Variants in SACM1L observed in about 807,000 individuals in gnomAD.
SACM1L encodes phosphatidylinositol-3-phosphatase SAC1.
Under a neutral mutation model 89.5 loss-of-function variants are expected in SACM1L, and 32 were observed. The observed-to-expected ratio is 0.36, with a 90% confidence interval of 0.27 to 0.48. The LOEUF (loss-of-function observed/expected upper bound fraction) is 0.48, where lower values mean the gene tolerates loss of function less well. Among genes scored for constraint, SACM1L ranks in the 20% least tolerant of loss-of-function variants. The probability of loss-of-function intolerance (pLI) is 0.99; values close to 1 mark genes in which losing one functional copy is unlikely to be tolerated. For missense variants in SACM1L, 543 were observed against 708.5 expected (o/e 0.77, Z 2.65); for synonymous variants, 213 against 232.8 (o/e 0.92, Z 0.77).
intron 19 of SACM1L, 91 bp from the exon 20 acceptor site, chr3:45,743,442 T>C: frequency 1.4e-6 from 2 of 1,380,184 alleles, no homozygotes; most frequent in Non-Finnish European, 2.0e-6. Flanking sequence ...GCTAGTAAAC[T>C]TTAATGTTGC....
At chr3:45,739,758 T>G in intron 19 of SACM1L, 114 bp downstream of exon 19, 2 of 933,730 alleles carry the variant, frequency 2.1e-6, no homozygotes, top group Non-Finnish European at 3.5e-6. Flanking sequence ...ATTTAATGGG[T>G]AAAGTGGATG....
At chr3:45,717,966 G>A (rs1698700483) in intron 7 of SACM1L, among the ~76,000 whole-genome samples, 2 of 152,238 alleles carry the variant, frequency 1.3e-5, no homozygotes, top group African/African-American at 2.4e-5. Flanking sequence ...AACATCAAAT[G>A]TTGGTAAAGG....
At chr3:45,727,475 TG>T (rs1169887972) in intron 11 of SACM1L, among the ~76,000 whole-genome samples, 1 of 152,218 alleles carries the variant, frequency 6.6e-6, no homozygotes, top group Non-Finnish European at 1.5e-5. Flanking sequence ...TAAAAAAATG[TG>T]TATTCTGCTG....
intron 11 of SACM1L, among the ~76,000 whole-genome samples, chr3:45,724,828 ATTAC>A (rs987593400): frequency 2.2e-4 from 34 of 152,194 alleles, no homozygotes; most frequent in African/African-American, 7.7e-4. Context: ...GTGTCTGTGT[ATTAC>A]TTCTTAAAAC....
chr3:45,718,046 T>C lies in SACM1L; in HGVS notation c.578-1454T>C, dbSNP rs147309084. On this transcript the variant is annotated intron_variant, in intron 7 of 19. Coordinates refer to ENST00000389061, the MANE Select transcript of SACM1L (RefSeq NM_014016.5). ...AAGATCAGATGAGGAGTATACTCTGTAACCCAGCAGTACTGCTCCTTAGAG... is the reference window on the plus strand; with the variant it reads ...AAGATCAGATGAGGAGTATACTCTGCAACCCAGCAGTACTGCTCCTTAGAG... 7.9e-5 allele frequency among the ~76,000 whole-genome samples: 12 copies of C among 152,384 alleles called. No individual in the cohort carries two copies. The East Asian group carries it at 2.3e-3, about 29-fold the overall frequency.
At chr3:45,705,496 A>ATTT (rs36040487) in intron 3 of SACM1L, among the ~76,000 whole-genome samples, 82 of 103,178 alleles carry the variant, frequency 7.9e-4, no homozygotes, top group African/African-American at 1.6e-3. Flanking sequence ...TGTAAATAAA[A>ATTT]TTTTTTTTTT....
chr3:45,705,256 T>C (rs763201861), intron 3 of SACM1L, 47 bp downstream of exon 3: 3 of 1,184,684 alleles, frequency 2.5e-6, no homozygotes, highest in East Asian at 2.3e-5. Context: ...ATTAGCAAGG[T>C]AGTTAAATTG....
chr3:45,709,400 A>T (rs1698471175), intron 4 of SACM1L, 98 bp from the exon 5 acceptor site: 1 of 1,086,584 alleles, frequency 9.2e-7, no homozygotes, highest in Non-Finnish European at 1.3e-6. Context: ...AGTAGTCTTT[A>T]ATGAGACTGG....
intron 1 of SACM1L, 93 bp downstream of exon 1, chr3:45,689,590 A>G (rs188809579): frequency 0.02 from 27,948 of 1,413,228 alleles, 371 homozygotes; most frequent in Non-Finnish European, 0.023. Context: ...CCCGGATTGC[A>G]GATAGGGTGT....
In SACM1L at chr3:45,727,341, G is replaced by C. The variant is rs140562961; in HGVS notation, c.921+3798G>C. Reference sequence around the variant, plus strand: ...AATTTCTAGTTTTCCTTCTATTCTTGATTTTTAGCTTTCTGTTGTGATCAG... The same window carrying C: ...AATTTCTAGTTTTCCTTCTATTCTTCATTTTTAGCTTTCTGTTGTGATCAG... On this transcript the variant is annotated intron_variant, in intron 11 of 19. Transcript: ENST00000389061. Among the ~76,000 whole-genome samples the C allele has an allele frequency of 2.6e-3, 400 of 152,016 alleles. 12 individuals carry two copies. The East Asian group carries it at 0.047, about 18-fold the overall frequency.
chr3:45,741,566 C>A (rs1035600853), intron 19 of SACM1L, among the ~76,000 whole-genome samples: 2 of 152,188 alleles, frequency 1.3e-5, no homozygotes, highest in African/African-American at 4.8e-5. Context: ...CCACCACCAC[C>A]ACTAATTCTG....
intron 3 of SACM1L, 63 bp downstream of exon 3, chr3:45,705,272 A>G (rs1028724745): frequency 9.3e-6 from 9 of 970,140 alleles, no homozygotes; most frequent in Admixed American, 5.4e-5. Context: ...AATTGTTAAT[A>G]TTAGAGTGAG....
intron 19 of SACM1L, among the ~76,000 whole-genome samples, chr3:45,741,859 T>C (rs1318131986): frequency 2.0e-5 from 3 of 152,218 alleles, no homozygotes; most frequent in Non-Finnish European, 4.4e-5. Flanking sequence ...AAAAACAGGT[T>C]GAAGCACAGG....
At chr3:45,692,539 G>A (rs1349083271) in intron 1 of SACM1L, among the ~76,000 whole-genome samples, 2 of 152,060 alleles carry the variant, frequency 1.3e-5, no homozygotes, top group South Asian at 2.1e-4. Flanking sequence ...TGAACTCCTC[G>A]TCTTAAGTGA....
At chr3:45,731,204 A>G (rs887343966) in intron 11 of SACM1L, 97 bp from the exon 12 acceptor site, 3 of 654,636 alleles carry the variant, frequency 4.6e-6, no homozygotes, top group Non-Finnish European at 7.5e-6. Context: ...CTGTGGGAGA[A>G]TGATGAGAGC....
At chr3:45,725,205 T>C (rs528141719) in intron 11 of SACM1L, among the ~76,000 whole-genome samples, 183 of 152,268 alleles carry the variant, frequency 1.2e-3, no homozygotes, top group Non-Finnish European at 2.2e-3. Context: ...TAGGCTTGGT[T>C]TTTCTATTTC....
intron 11 of SACM1L, among the ~76,000 whole-genome samples, chr3:45,729,140 A>C (rs1698990396): frequency 6.6e-6 from 1 of 152,014 alleles, no homozygotes; most frequent in Non-Finnish European, 1.5e-5. Flanking sequence ...AGGCTGGAGT[A>C]CAGTGGCACA....
In SACM1L at chr3:45,714,078, C is replaced by A; in HGVS notation, c.576C>A (p.Gly192=). 1 of 1,545,302 alleles carries A rather than the reference C, an allele frequency of 6.5e-7. No individual in the cohort carries two copies. ...GGTTTGCCCTTCCAGTGTTACATGG[C>A]TGTATCCTTACATGATATTACTCTT... ...VHRFALPVLH[G]FITMHSCSIN... The change falls in exon 7 of 20, where the codon GGC becomes GGA. Residue 192 remains glycine (G), a splice_region_variant and synonymous_variant. Coordinates refer to ENST00000389061, the MANE Select transcript of SACM1L (RefSeq NM_014016.5).
intron 11 of SACM1L, among the ~76,000 whole-genome samples, chr3:45,724,008 TTATC>T (rs1341620097): frequency 6.6e-6 from 1 of 151,866 alleles, no homozygotes; most frequent in African/African-American, 2.4e-5. Flanking sequence ...CACATTTTGT[TTATC>T]CATTAATCTA....
Sources: gnomAD v4.1 joint callset for allele counts (sites outside exome capture counted in the v4.1 genomes callset) on GRCh38, gnomAD v4.1.1 for gene constraint, MANE v1.5 for transcripts, NCBI Gene and HGNC (gene_info 2026-07-23, HGNC 2026-07-21) for gene names.